The following MBTPS1 variants were observed in gnomAD, a reference collection of about 807,000 sequenced individuals.
The protein encoded by MBTPS1 is membrane-bound transcription factor site-1 protease.
Under a neutral mutation model 127.8 loss-of-function variants are expected in MBTPS1, and 94 were observed. The observed-to-expected ratio is 0.74, with a 90% CI of 0.62 to 0.87. The LOEUF is 0.87. Among genes scored for constraint, MBTPS1 ranks in the 40% least tolerant of loss-of-function variants. MBTPS1 has a pLI of 0.00. For missense variants in MBTPS1, 1,636 were observed against 1,353.2 expected, an observed-to-expected ratio of 1.21 and a Z score of -3.28; for synonymous variants, 632 against 509.4, an observed-to-expected ratio of 1.24 and a Z score of -3.24.
At chr16:84,058,323 C>T (rs1319608574) in intron 21 of MBTPS1, among the ~76,000 whole-genome samples, 3 of 152,224 alleles carry the variant, frequency 2.0e-5, no homozygotes, top group Non-Finnish European at 4.4e-5. Flanking sequence ...CCTTACAGGA[C>T]GGAAGGTGGC....
chr16:84,085,167 C>T (rs777583686), intron 9 of MBTPS1, 33 bp from the exon 10 acceptor site: 3 of 1,609,648 alleles, frequency 1.9e-6, no homozygotes, highest in East Asian at 2.2e-5. Context: ...TGCTACATCT[C>T]GCACATTGGC....
rs780307035 is a variant in MBTPS1 at position 84,093,228 on chromosome 16, T to C, written c.806A>G (p.Asp269Gly). The change falls in exon 6 of 23, where the codon GAT (aspartate) becomes GGT (glycine). Residue 269 changes from aspartate to glycine, a missense_variant. Coordinates refer to ENST00000343411, the MANE Select transcript of MBTPS1 (RefSeq NM_003791.4). ...SMRECQGFAP[D>G]AELHIFRVFT... is the part of the protein sequence containing the mutation. Reference sequence around the variant, plus strand: ...GACCCTGAAAATGTGAAGTTCTGCATCTGGAGCAAATCCTTGGCACTCCCT... The same window carrying C: ...GACCCTGAAAATGTGAAGTTCTGCACCTGGAGCAAATCCTTGGCACTCCCT... 9.3e-6 allele frequency: 15 copies of C among 1,614,118 alleles called. 1 individual carries two copies. The highest frequency in any genetic ancestry group is 3.3e-5 in the South Asian group (3 of 91,086).
At chr16:84,062,225 A>G (rs2085623555) in intron 19 of MBTPS1, among the ~76,000 whole-genome samples, 1 of 151,262 alleles carries the variant, frequency 6.6e-6, no homozygotes, top group Non-Finnish European at 1.5e-5. Flanking sequence ...GGTTCAAGCA[A>G]CTCTCCCACC....
At chr16:84,085,571 G>GTC (rs2086008762) in intron 9 of MBTPS1, among the ~76,000 whole-genome samples, 2 of 80,830 alleles carry the variant, frequency 2.5e-5, no homozygotes, top group African/African-American at 9.6e-5. Flanking sequence ...CCCCGCACCC[G>GTC]CCCCCCCCCC....
chr16:84,059,283 G>A lies in MBTPS1; in HGVS notation c.2831+19C>T, dbSNP rs1277608524. On this transcript the variant is annotated intron_variant, in intron 21 of 22. Coordinates refer to ENST00000343411, the MANE Select transcript of MBTPS1 (RefSeq NM_003791.4). ...ACAAGCCCCGTGGAAAGAGTGGAAG[G>A]GCACAGGCGGACACTAACCTGGGCG... 2 of 1,608,046 alleles carry A rather than the reference G, an allele frequency of 1.2e-6. No individual in the cohort carries two copies. Among genetic ancestry groups the A allele is most frequent in the African/African-American group, 1.3e-5 (1 of 74,828 alleles).
intron 2 of MBTPS1, among the ~76,000 whole-genome samples, chr16:84,100,493 G>C (rs556666588): frequency 8.6e-5 from 13 of 151,806 alleles, no homozygotes; most frequent in Non-Finnish European, 1.9e-4. Context: ...GCGGTGAGCT[G>C]AGATGGTGCC....
chr16:84,093,591 C>T (rs2086139675), intron 5 of MBTPS1, 120 bp downstream of exon 5: 4 of 778,772 alleles, frequency 5.1e-6, no homozygotes, highest in Non-Finnish European at 8.7e-6. Flanking sequence ...TCTGCCACAA[C>T]AAAAAGCACA....
At chr16:84,073,840 A>G (rs1212417185) in intron 12 of MBTPS1, among the ~76,000 whole-genome samples, 1 of 152,136 alleles carries the variant, frequency 6.6e-6, no homozygotes, top group Admixed American at 6.6e-5. Flanking sequence ...CCCTGTCTCC[A>G]CTAAAAATGC....
intron 16 of MBTPS1, 30 bp downstream of exon 16, chr16:84,067,637 T>TTTTTA: frequency 9.7e-7 from 1 of 1,035,732 alleles, no homozygotes; most frequent in Non-Finnish European, 1.4e-6. Flanking sequence ...CCAAAAGTCT[T>TTTTTA]ATCCAAATAC....
At chr16:84,056,353 T>G in intron 21 of MBTPS1, 1 of 493,994 alleles carries the variant, frequency 2.0e-6, no homozygotes, top group Admixed American at 3.4e-5. Context: ...TCCCTGTTCA[T>G]GAGATTCTAC....
chr16:84,101,900 TAC>T lies in MBTPS1; in HGVS notation c.-119_-118del. 1 of 922,298 alleles carries T rather than the reference TAC, an allele frequency of 1.1e-6. No homozygotes were observed. The highest frequency in any genetic ancestry group is 1.6e-5 in the South Asian group (1 of 61,350). 57.1% of individuals were successfully genotyped at this position (922,298 alleles called of 1,614,324 possible). A position where few individuals can be genotyped will look rare whatever the true frequency, so the allele number is the denominator to read the frequency against. ...CTGCAACATTACTAATCAGCCATCT[TAC>T]AGTCTTGCCCAACATAAATAAAAGT... is the stretch of plus-strand genomic sequence containing the variant. On this transcript the variant is annotated 5_prime_UTR_variant, in exon 2 of 23. It removes the in-frame stop codon of an upstream open reading frame in the 5' UTR. Coordinates refer to ENST00000343411, the MANE Select transcript of MBTPS1 (RefSeq NM_003791.4).
chr16:84,080,520 C>A (rs1285876230), intron 11 of MBTPS1, among the ~76,000 whole-genome samples: 2 of 152,254 alleles, frequency 1.3e-5, no homozygotes, highest in Non-Finnish European at 2.9e-5. Context: ...CAGCTCAGGT[C>A]TCCTCTGCAG....
At chr16:84,063,207 C>G (rs954773589) in intron 19 of MBTPS1, 98 bp downstream of exon 19, 4 of 1,290,900 alleles carry the variant, frequency 3.1e-6, no homozygotes, top group Non-Finnish European at 3.3e-6. Context: ...GAACAGATGT[C>G]GGCTGATCTG....
At chr16:84,097,677 G>A (rs1186222122) in intron 3 of MBTPS1, among the ~76,000 whole-genome samples, 1 of 152,196 alleles carries the variant, frequency 6.6e-6, no homozygotes, top group Non-Finnish European at 1.5e-5. Context: ...TTGGCTAACT[G>A]TATCAGGTTT....
chr16:84,073,781 G>A (rs1597319017), intron 12 of MBTPS1, among the ~76,000 whole-genome samples: 1 of 152,184 alleles, frequency 6.6e-6, no homozygotes, highest in South Asian at 2.1e-4. Flanking sequence ...GAGGTAGCTG[G>A]ATCACCTGAA....
intron 12 of MBTPS1, among the ~76,000 whole-genome samples, chr16:84,072,793 A>T (rs2085791329): frequency 6.6e-6 from 1 of 152,088 alleles, no homozygotes; most frequent in Non-Finnish European, 1.5e-5. Context: ...GTCTCAGAAA[A>T]AAAAAGGCAA....
intron 17 of MBTPS1, among the ~76,000 whole-genome samples, chr16:84,066,094 G>C (rs1458755496): frequency 1.3e-5 from 2 of 152,190 alleles, no homozygotes; most frequent in Non-Finnish European, 2.9e-5. Context: ...TGCAGAATGG[G>C]TAGTAAGAAT....
chr16:84,084,900 G>A (rs868500392), intron 10 of MBTPS1, 83 bp downstream of exon 10: 1 of 1,468,820 alleles, frequency 6.8e-7, no homozygotes. Context: ...CAGGGCAGAA[G>A]CAAGACACGA....
chr16:84,095,302 A>C (rs2151164919), intron 4 of MBTPS1, among the ~76,000 whole-genome samples: 1 of 152,346 alleles, frequency 6.6e-6, no homozygotes, highest in South Asian at 2.1e-4. Context: ...ATAGGAGAGA[A>C]GTGCTCCACA....
Sources: allele counts gnomAD v4.1 joint callset (sites outside exome capture counted in the v4.1 genomes callset), GRCh38; gene constraint gnomAD v4.1.1; transcripts MANE v1.5; gene names NCBI Gene and HGNC (gene_info 2026-07-23, HGNC 2026-07-21).